MTCH1: variants seen among roughly 807,000 people sequenced by gnomAD.
The protein encoded by MTCH1 is mitochondrial carrier homolog 1.
In MTCH1, 23 loss-of-function variants were observed where a neutral mutation model predicts 49.3. The ratio of observed to expected loss-of-function variants is 0.47; its 90% CI spans 0.34 to 0.66. The LOEUF (loss-of-function observed/expected upper bound fraction) is 0.66, where lower values mean the gene tolerates loss of function less well. Among genes scored for constraint, MTCH1 ranks in the 30% least tolerant of loss-of-function variants. MTCH1 has a pLI of 0.01. For synonymous variants in MTCH1, 229 were observed against 215.2 expected (o/e 1.06, Z -0.56); for missense variants, 397 against 532.1 (o/e 0.75, Z 2.50).
chr6:36,979,092 G>C (rs1763999774), intron 2 of MTCH1, among the ~76,000 whole-genome samples: 1 of 152,070 alleles, frequency 6.6e-6, no homozygotes, highest in Non-Finnish European at 1.5e-5. Context: ...GAAAAGAAAG[G>C]GCTCCCAGAA....
chr6:36,971,927 G>A (rs1269304701), intron 8 of MTCH1, among the ~76,000 whole-genome samples: 1 of 152,142 alleles, frequency 6.6e-6, no homozygotes, highest in African/African-American at 2.4e-5. Flanking sequence ...TCAGGTACCT[G>A]GATGGCCTTC....
Position 36,968,945 on chromosome 6 carries a change from A to G in MTCH1, c.1128T>C (p.Leu376=). ...QGQLFRGSSL[L]FRRVSSGSCF... is the part of the protein sequence containing the mutation. ...ATGATCCTGATGACACCCGGCGGAA[A>G]AGCAGGCTGGAGCCTCGGAAGAGCT... Residue 376 remains leucine (L), a synonymous_variant, in exon 12 of 12, where the codon CTT becomes CTC. Coordinates refer to ENST00000373627, the MANE Select transcript of MTCH1 (RefSeq NM_001271641.2). 6.2e-7 allele frequency: 1 copy of G among 1,614,050 alleles called. No individual in the cohort carries two copies. Among genetic ancestry groups the G allele is most frequent in the Non-Finnish European group, 8.5e-7 (1 of 1,179,968 alleles).
At chr6:36,976,569 G>C in intron 6 of MTCH1, 1 of 471,138 alleles carries the variant, frequency 2.1e-6, no homozygotes, top group Non-Finnish European at 4.4e-6. Flanking sequence ...TGGCAGCTGA[G>C]CTTCCTGGGA....
At position 36,977,574 on chromosome 6, in the gene MTCH1, C is replaced by T; in HGVS notation, c.649+60G>A. ...ATGTACAGTCCACGAGGGGGCGCCC[C>T]TCACCCCACGCCCCCGACGCCAGCT... is the stretch of plus-strand genomic sequence containing the variant. On this transcript the variant is annotated intron_variant, in intron 5 of 11. Coordinates refer to ENST00000373627, the MANE Select transcript of MTCH1 (RefSeq NM_001271641.2). This position sits in a 1 kb window ranked among gnomAD's most constrained non-coding sequence, Gnocchi z 5.4. 1 of 1,251,622 alleles carries T rather than the reference C, an allele frequency of 8.0e-7. No homozygotes were observed. The highest frequency in any genetic ancestry group is 1.3e-5 in the South Asian group (1 of 76,828). The allele number at this position is 1,251,622 out of a possible 1,614,324, so 77.5% of individuals were successfully genotyped here. A position where few individuals can be genotyped will look rare whatever the true frequency, so the allele number is the denominator to read the frequency against.
rs1322996002 is a variant in MTCH1, at chr6:36,986,167, C to T, written c.7G>A (p.Ala3Thr). 1.5e-5 allele frequency: 22 copies of T among 1,431,216 alleles called. 1 individual carries two copies. In the South Asian group the frequency reaches 2.5e-4, roughly 16 times the overall value. The allele number at this position is 1,431,216 out of a possible 1,614,324, so 88.7% of individuals were successfully genotyped here. A position where few individuals can be genotyped will look rare whatever the true frequency, so the allele number is the denominator to read the frequency against. Residue 3 changes from alanine to threonine, a missense_variant, in exon 1 of 12, where the codon GCT (alanine) becomes ACT (threonine). Ala to Thr is a moderately conservative substitution (Grantham distance 58). Coordinates refer to ENST00000373627, the MANE Select transcript of MTCH1 (RefSeq NM_001271641.2). The stretch of plus-strand genomic sequence containing the variant: ...CAGGGCGCCACTTCCGGGTCCGAAG[C>T]TCCCATGGCGCCCGGCGGCGAGGTC... MGASDPEVAPWAR... is the reference protein window; with the variant it reads MGTSDPEVAPWAR...
chr6:36,969,748 C>G (rs1763604955), intron 11 of MTCH1: 1 of 1,291,636 alleles, frequency 7.7e-7, no homozygotes, highest in Non-Finnish European at 9.9e-7. Context: ...CCACCTGCCA[C>G]CTGGGCCAGA....
At position 36,977,695 on chromosome 6, in the gene MTCH1, G is replaced by C. The variant is rs777970599; in HGVS notation, c.592-4C>G. 1.2e-6 allele frequency: 2 copies of C among 1,607,052 alleles called. No homozygotes were observed. The highest frequency in any genetic ancestry group is 1.7e-6 in the Non-Finnish European group (2 of 1,176,806). On this transcript the variant is annotated splice_region_variant and splice_polypyrimidine_tract_variant and intron_variant, in intron 4 of 11. Coordinates refer to ENST00000373627, the MANE Select transcript of MTCH1 (RefSeq NM_001271641.2). This position sits in a 1 kb window ranked among gnomAD's most constrained non-coding sequence, Gnocchi z 5.4. ...GCATCATCATCTCGTAGGAGGTCTG[G>C]AAGAGAGCATGGGGTGGGGACTCGC...
chr6:36,971,498 C>T (rs1273652692), intron 8 of MTCH1, among the ~76,000 whole-genome samples: 1 of 152,000 alleles, frequency 6.6e-6, no homozygotes, highest in Non-Finnish European at 1.5e-5. Flanking sequence ...ACCCACAAGG[C>T]CCCCCGAGAA....
intron 2 of MTCH1, 85 bp from the exon 3 acceptor site, chr6:36,978,696 G>T: frequency 1.6e-6 from 2 of 1,229,772 alleles, no homozygotes; most frequent in South Asian, 1.3e-5. Flanking sequence ...ACCAGGCTCG[G>T]CTTGTCCTTC....
In MTCH1 at chr6:36,986,045, T is replaced by C. The variant is rs1287137475; in HGVS notation, c.129A>G (p.Pro43=). 4 of 1,485,380 alleles carry C rather than the reference T, an allele frequency of 2.7e-6. No individual in the cohort carries two copies. The East Asian group carries it at 8.8e-5, about 33-fold the overall frequency. The allele number at this position is 1,485,380 out of a possible 1,614,324, so 92.0% of individuals were successfully genotyped here. A position where few individuals can be genotyped will look rare whatever the true frequency, so the allele number is the denominator to read the frequency against. The change falls in exon 1 of 12, where the codon CCA becomes CCG. Residue 43 remains proline (P), a synonymous_variant. Coordinates refer to ENST00000373627, the MANE Select transcript of MTCH1 (RefSeq NM_001271641.2). ...GAGGATGTGCGCGGTGCGCGGGCGG[T>C]GGATCGCGAGCTCGAGCCTCGACCC... ...AAGVEARARD[P]PPAHRAHPRH...
chr6:36,980,588 A>G (rs549364532), intron 2 of MTCH1, among the ~76,000 whole-genome samples: 1 of 152,384 alleles, frequency 6.6e-6, no homozygotes, highest in East Asian at 1.9e-4. Context: ...CAAAACTGGA[A>G]GAGAAATATG....
chr6:36,985,453 G>A (rs1327095171), intron 1 of MTCH1, among the ~76,000 whole-genome samples: 2 of 146,154 alleles, frequency 1.4e-5, no homozygotes, highest in Non-Finnish European at 1.5e-5. Flanking sequence ...CAAACTTCTT[G>A]CCCCTCCCCC....
At chr6:36,970,211 T>A (rs1763629892) in intron 10 of MTCH1, 97 bp from the exon 11 acceptor site, 1 of 1,462,472 alleles carries the variant, frequency 6.8e-7, no homozygotes, top group Admixed American at 1.8e-5. Context: ...CTACCACCCA[T>A]CCACACCCTG....
At chr6:36,975,184 T>G (rs1252404066) in intron 7 of MTCH1, among the ~76,000 whole-genome samples, 1 of 152,240 alleles carries the variant, frequency 6.6e-6, no homozygotes, top group African/African-American at 2.4e-5. Context: ...GCCAGACATG[T>G]GGATTTTTGT....
chr6:36,975,663 G>T lies in MTCH1; in HGVS notation c.756C>A (p.Phe252Leu). Residue 252 changes from phenylalanine to leucine, a missense_variant, in exon 7 of 12, where the codon TTC becomes TTA. This residue lies in a region of MTCH1 where 252 missense variants were observed against 388.3 expected (regional missense o/e 0.65). Coordinates refer to ENST00000373627, the MANE Select transcript of MTCH1 (RefSeq NM_001271641.2). ...KIFKEEGLLG[F>L]FVGLIPHLLG... ...GGGTGTATAAACTCACGTACACGAA[G>T]AATCCCAGCAGCCCTTCCTCTTTGA... 6.2e-7 allele frequency: 1 copy of T among 1,614,088 alleles called. No homozygotes were observed. The highest frequency in any genetic ancestry group is 8.5e-7 in the Non-Finnish European group (1 of 1,179,960).
At position 36,970,019 on chromosome 6, in the gene MTCH1, G is replaced by A. The variant is rs375939281; in HGVS notation, c.1098+20C>T. 5 of 1,613,466 alleles carry A rather than the reference G, an allele frequency of 3.1e-6. No individual in the cohort carries two copies. The highest frequency in any genetic ancestry group is 1.7e-5 in the Admixed American group (1 of 59,940). On this transcript the variant is annotated intron_variant, in intron 11 of 11. Transcript: ENST00000373627. ...GTAGCAAAGAACAGGAAAGGCCTCC[G>A]CCGTCCAGTGCTTGCTCACCTGCAC...
chr6:36,980,563 TCAA>T (rs1222895805), intron 2 of MTCH1, among the ~76,000 whole-genome samples: 1 of 152,142 alleles, frequency 6.6e-6, no homozygotes, highest in Non-Finnish European at 1.5e-5. Flanking sequence ...GACTCTGCAC[TCAA>T]CAACACAGGG....
At chr6:36,981,553 T>C in intron 2 of MTCH1, 35 bp downstream of exon 2, 1 of 1,603,586 alleles carries the variant, frequency 6.2e-7, no homozygotes, top group Non-Finnish European at 8.5e-7. Context: ...TCTTTTCTGT[T>C]GGTGTGGGCT....
intron 7 of MTCH1, among the ~76,000 whole-genome samples, chr6:36,975,099 C>T (rs1466902811): frequency 6.6e-6 from 1 of 152,220 alleles, no homozygotes; most frequent in African/African-American, 2.4e-5. Context: ...AGAAGCAGGT[C>T]CTGGGTCCTG....
Sources: gnomAD v4.1 joint callset for allele counts (sites outside exome capture counted in the v4.1 genomes callset) on GRCh38, gnomAD v4.1.1 for gene constraint, gnomAD v4.1.1 regional missense constraint, Gnocchi (gnomAD v3.1) non-coding constraint, MANE v1.5 for transcripts, NCBI Gene and HGNC (gene_info 2026-07-23, HGNC 2026-07-21) for gene names.